Variants in C5 observed in about 807,000 individuals in gnomAD.
The protein encoded by C5 is complement C5, also known as C3 and PZP-like alpha-2-macroglobulin domain-containing protein 4.
Under a neutral mutation model 218.8 loss-of-function variants are expected in C5, and 140 were observed. The ratio of observed to expected loss-of-function variants is 0.64; its 90% CI spans 0.56 to 0.74. The LOEUF (loss-of-function observed/expected upper bound fraction) is 0.74, where lower values mean the gene tolerates loss of function less well. Among genes scored for constraint, C5 ranks in the 30% least tolerant of loss-of-function variants. The probability of loss-of-function intolerance (pLI) is 0.00; values close to 1 mark genes in which losing one functional copy is unlikely to be tolerated. For missense variants in C5, 1,700 were observed against 1,969.6 expected (o/e 0.86, Z 2.59); for synonymous variants, 614 against 682.3 (o/e 0.90, Z 1.56).
intron 25 of C5, among the ~76,000 whole-genome samples, chr9:120,985,698 C>G (rs1444458348): frequency 6.6e-6 from 1 of 152,038 alleles, no homozygotes; most frequent in Admixed American, 6.6e-5. Context: ...AGGTAAGTTA[C>G]AGAATGATAG....
intron 12 of C5, among the ~76,000 whole-genome samples, chr9:121,018,852 T>A (rs1266896060): frequency 6.6e-6 from 1 of 152,054 alleles, no homozygotes; most frequent in African/African-American, 2.4e-5. Flanking sequence ...AACTTTAACA[T>A]GTATTTAACT....
At chr9:120,958,088 A>T (rs1029235956) in intron 38 of C5, among the ~76,000 whole-genome samples, 1 of 152,208 alleles carries the variant, frequency 6.6e-6, no homozygotes, top group Admixed American at 6.5e-5. Flanking sequence ...AGATTTGTTC[A>T]TTCTAGATAT....
chr9:121,070,914 G>A, the C5 span, among the ~76,000 whole-genome samples: 1 of 152,002 alleles, frequency 6.6e-6, no homozygotes, highest in East Asian at 1.9e-4. Context: ...ATGATGTTTG[G>A]GATGATGGAT....
At chr9:121,058,300 AAC>A in the C5 span, among the ~76,000 whole-genome samples, 1 of 152,188 alleles carries the variant, frequency 6.6e-6, no homozygotes, top group Admixed American at 6.5e-5. Flanking sequence ...TGCTTCAGGG[AAC>A]ACATCTAATA....
At position 120,989,762 on chromosome 9, in the gene C5, A is replaced by G; in HGVS notation, c.2960T>C (p.Ile987Thr). ...LSVKGLLVGE[I>T]LSAVLSQEGI... The stretch of plus-strand genomic sequence containing the variant: ...TTCCTGACTTAGAACTGCAGACAAG[A>G]TCTCACCTACAAGCAGTCCTGAAAC... Residue 987 changes from isoleucine to threonine, a missense_variant, in exon 24 of 41, where the codon ATC becomes ACC. By Grantham distance (89) the Ile-to-Thr change is moderately conservative. Coordinates refer to ENST00000223642, the MANE Select transcript of C5 (RefSeq NM_001735.3). 1 of 1,614,046 alleles carries G rather than the reference A, an allele frequency of 6.2e-7. No individual in the cohort carries two copies. Among genetic ancestry groups the G allele is most frequent in the Non-Finnish European group, 8.5e-7 (1 of 1,179,948 alleles).
the C5 span, among the ~76,000 whole-genome samples, chr9:121,061,874 C>T: frequency 2.0e-5 from 3 of 152,158 alleles, no homozygotes; most frequent in Non-Finnish European, 4.4e-5. Flanking sequence ...GTATGTTCTA[C>T]CCACACTCTC....
At chr9:121,001,831 T>C (rs2047163653) in intron 20 of C5, among the ~76,000 whole-genome samples, 1 of 152,190 alleles carries the variant, frequency 6.6e-6, no homozygotes, top group African/African-American at 2.4e-5. Context: ...AAAATGTCCA[T>C]GCCCTTTAGC....
At chr9:121,046,954 G>T (rs897718958) in intron 1 of C5, among the ~76,000 whole-genome samples, 17 of 152,076 alleles carry the variant, frequency 1.1e-4, no homozygotes, top group African/African-American at 3.9e-4. Flanking sequence ...AGTGATCTTA[G>T]AAATACTATG....
intron 7 of C5, among the ~76,000 whole-genome samples, chr9:121,029,056 A>G (rs1197884128): frequency 6.6e-6 from 1 of 152,116 alleles, no homozygotes; most frequent in Non-Finnish European, 1.5e-5. Context: ...GTCCAATCTC[A>G]CTGTTATATG....
At chr9:121,001,781 T>C (rs899746159) in intron 20 of C5, among the ~76,000 whole-genome samples, 3 of 152,188 alleles carry the variant, frequency 2.0e-5, no homozygotes, top group Non-Finnish European at 4.4e-5. Flanking sequence ...GATGGAATCC[T>C]TTTGGAAGAT....
chr9:121,046,401 GAT>G lies in C5; in HGVS notation c.66-20_66-19del. ...TGACATATCTGTTGAAAAAGGAAAAGATAAGGCTCAATGTCTTTATATGACAT... is the reference window on the plus strand; with the variant it reads ...TGACATATCTGTTGAAAAAGGAAAAGAAGGCTCAATGTCTTTATATGACAT... On this transcript the variant is annotated intron_variant, in intron 1 of 40. Transcript: ENST00000223642. The G allele has an allele frequency of 6.4e-7, 1 of 1,563,344 alleles. No individual in the cohort carries two copies. The highest frequency in any genetic ancestry group is 8.8e-7 in the Non-Finnish European group (1 of 1,134,418).
intron 14 of C5, among the ~76,000 whole-genome samples, chr9:121,016,751 T>C (rs2047310686): frequency 6.6e-6 from 1 of 152,212 alleles, no homozygotes. Context: ...AGAAATTAAT[T>C]TTAAGTTGCT....
intron 25 of C5, among the ~76,000 whole-genome samples, chr9:120,986,840 C>G (rs990494788): frequency 1.3e-5 from 2 of 152,206 alleles, no homozygotes; most frequent in Non-Finnish European, 2.9e-5. Flanking sequence ...CTCCTCTGCT[C>G]AAGCCATCCT....
upstream of C5, among the ~76,000 whole-genome samples, chr9:121,053,508 A>C (rs1180978656): frequency 2.6e-5 from 4 of 152,148 alleles, no homozygotes; most frequent in African/African-American, 7.2e-5. Flanking sequence ...AGTTCTCCAC[A>C]CAGGAACACC....
intron 8 of C5, among the ~76,000 whole-genome samples, chr9:121,026,942 AG>A (rs1398398272): frequency 1.3e-5 from 2 of 152,120 alleles, no homozygotes; most frequent in African/African-American, 4.8e-5. Flanking sequence ...ATTAATACAA[AG>A]GGGAGGGAGG....
chr9:120,959,684 CA>C (rs1402835112), intron 38 of C5, among the ~76,000 whole-genome samples: 2 of 152,196 alleles, frequency 1.3e-5, no homozygotes, highest in African/African-American at 4.8e-5. Context: ...CTAATTTTAT[CA>C]GGAACTGAGA....
chr9:121,036,046 T>TCAAAAACATACAAA (rs2047521537), intron 4 of C5, among the ~76,000 whole-genome samples: 1 of 151,840 alleles, frequency 6.6e-6, no homozygotes, highest in African/African-American at 2.4e-5. Context: ...CAAGACCCTG[T>TCAAAAACATACAAA]CAAAAACATA....
At chr9:120,999,974 G>A (rs1184713423) in intron 20 of C5, 13 of 440,328 alleles carry the variant, frequency 3.0e-5, no homozygotes, top group Admixed American at 2.0e-4. Flanking sequence ...CAGGAGAATC[G>A]CTTGAACCTG....
chr9:121,070,508 T>TATAC, the C5 span, among the ~76,000 whole-genome samples: 5 of 150,104 alleles, frequency 3.3e-5, no homozygotes, highest in Admixed American at 6.7e-5. Context: ...TTCATATATA[T>TATAC]ATACATACAT....
Sources: allele counts gnomAD v4.1 joint callset (sites outside exome capture counted in the v4.1 genomes callset), GRCh38; gene constraint gnomAD v4.1.1; transcripts MANE v1.5; gene names NCBI Gene and HGNC (gene_info 2026-07-23, HGNC 2026-07-21).